KIF22: variants seen among roughly 807,000 people sequenced by gnomAD.
The protein encoded by KIF22 is kinesin family member 22, also known as kinesin-like protein KIF22.
In KIF22, 62 loss-of-function variants were observed where a neutral mutation model predicts 73.0. That is an observed-to-expected ratio of 0.85 (90% CI 0.69 to 1.05). The LOEUF (loss-of-function observed/expected upper bound fraction) is 1.05. Ranked by LOEUF, KIF22 falls within the 50% of genes least tolerant of loss-of-function variation. The probability of loss-of-function intolerance (pLI) is 0.00; values close to 1 mark genes in which losing one functional copy is unlikely to be tolerated. For synonymous variants in KIF22, 411 were observed against 340.1 expected (o/e 1.21, Z -2.29); for missense variants, 854 against 870.1 (o/e 0.98, Z 0.23).
In KIF22 at chr16:29,799,893, C is replaced by T. The variant is rs1288807516; in HGVS notation, c.1145-20C>T. Reference sequence around the variant, plus strand: ...GACCACCCCCAATCCCTCTCTCCACCCCATCCTCCAATCATCTAGCCTTGG... The same window carrying T: ...GACCACCCCCAATCCCTCTCTCCACTCCATCCTCCAATCATCTAGCCTTGG... On this transcript the variant is annotated intron_variant, in intron 7 of 13. Coordinates refer to ENST00000160827, the MANE Select transcript of KIF22 (RefSeq NM_007317.3). The T allele has an allele frequency of 6.2e-7, 1 of 1,613,558 alleles. No homozygotes were observed. The highest frequency in any genetic ancestry group is 8.5e-7 in the Non-Finnish European group (1 of 1,179,670).
chr16:29,800,031 T>C lies in KIF22; in HGVS notation c.1263T>C (p.Ser421=), dbSNP rs1296961388. 1.2e-6 allele frequency: 2 copies of C among 1,612,436 alleles called. No individual in the cohort carries two copies. The highest frequency in any genetic ancestry group is 2.7e-5 in the African/African-American group (2 of 75,050). The change falls in exon 8 of 14, where the codon TCT becomes TCC. Residue 421 remains serine (S), a synonymous_variant. Transcript: ENST00000160827. ...CTGAGCCCATGGCAGCTCCAGCCTC[T>C]GCCTCCCAGAAACTCAGGTGAGCAG... is the stretch of plus-strand genomic sequence containing the variant. ...GSPEPMAAPA[S]ASQKLSPLQK...
At chr16:29,796,609 C>T (rs897670430) in intron 1 of KIF22, among the ~76,000 whole-genome samples, 6 of 151,716 alleles carry the variant, frequency 4.0e-5, no homozygotes, top group African/African-American at 7.3e-5. Flanking sequence ...TGCAAAATCT[C>T]GGGCATCACC....
chr16:29,804,213 TGTG>T lies in KIF22; in HGVS notation c.1677+152_1677+154del, dbSNP rs368568450. On this transcript the variant is annotated intron_variant, in intron 11 of 13. Transcript: ENST00000160827. Reference sequence around the variant, plus strand: ...GACCTCAACTTGCTTACCCCTGGAATGTGGTGATGGATGGTTCCTTGCAGGGCA... The same window carrying T: ...GACCTCAACTTGCTTACCCCTGGAATGTGATGGATGGTTCCTTGCAGGGCA... The T allele has an allele frequency of 9.6e-4, 661 of 691,874 alleles. 13 individuals are homozygous for T. In the South Asian group the frequency reaches 0.01, roughly 11 times the overall value. 42.9% of individuals were successfully genotyped at this position (691,874 alleles called of 1,614,324 possible).
At chr16:29,804,773 T>A (rs577874205) in intron 11 of KIF22, 41 bp from the exon 12 acceptor site, 3 of 1,516,090 alleles carry the variant, frequency 2.0e-6, no homozygotes, top group Non-Finnish European at 2.7e-6. Context: ...CCCAAAGCAC[T>A]TGGCTGCCCT....
rs140916935 is a variant in KIF22, at chr16:29,791,820, C to T, written c.70+991C>T. 5.0e-3 allele frequency among the ~76,000 whole-genome samples: 763 copies of T among 152,228 alleles called. 5 individuals are homozygous for T. Among genetic ancestry groups the T allele is most frequent in the Non-Finnish European group, 8.8e-3 (599 of 68,008 alleles). ...AACCTCTGCTCTTAACCATTATGCC[C>T]AAGTACATGTTATCCCTGCTGGCTG... On this transcript the variant is annotated intron_variant, in intron 1 of 13. Coordinates refer to ENST00000160827, the MANE Select transcript of KIF22 (RefSeq NM_007317.3).
Position 29,795,388 on chromosome 16 carries a change from G to A in KIF22, c.71-1505G>A, listed in dbSNP as rs140706776. Among the ~76,000 whole-genome samples, 70 of 152,302 alleles carry A rather than the reference G, an allele frequency of 4.6e-4. No homozygotes were observed. The East Asian group carries it at 0.013, about 29-fold the overall frequency. ...CTTAGGTGTAAGATTCTTTGTAGGG[G>A]TCATCTGTCTGCCTTTTCGTCTTGC... On this transcript the variant is annotated intron_variant, in intron 1 of 13. Coordinates refer to ENST00000160827, the MANE Select transcript of KIF22 (RefSeq NM_007317.3).
At chr16:29,791,639 T>C (rs990233312) in intron 1 of KIF22, among the ~76,000 whole-genome samples, 1 of 152,210 alleles carries the variant, frequency 6.6e-6, no homozygotes, top group Admixed American at 6.5e-5. Flanking sequence ...TTGTAGGCAT[T>C]TTATGGTGGT....
intron 11 of KIF22, 187 bp from the exon 12 acceptor site, chr16:29,804,627 C>G (rs1567362926): frequency 1.4e-6 from 1 of 700,198 alleles, no homozygotes; most frequent in Non-Finnish European, 2.6e-6. Context: ...AGTAGTACCT[C>G]TCTTTCACTA....
At chr16:29,795,538 A>G (rs1898928339) in intron 1 of KIF22, among the ~76,000 whole-genome samples, 1 of 152,184 alleles carries the variant, frequency 6.6e-6, no homozygotes, top group South Asian at 2.1e-4. Context: ...CCCAGTTGGT[A>G]CATAATAAGG....
At chr16:29,793,322 C>T (rs1365833081) in intron 1 of KIF22, among the ~76,000 whole-genome samples, 8 of 152,148 alleles carry the variant, frequency 5.3e-5, no homozygotes, top group Non-Finnish European at 1.2e-4. Context: ...CACCTGTAGT[C>T]CCAGCTATTC....
In KIF22 at chr16:29,795,017, A is replaced by G. The variant is rs181322999; in HGVS notation, c.71-1876A>G. ...ACCAGAGTCTACACTCTACCTCATT[A>G]CTGACTTCCCCTTCCCCTTAGATTG... On this transcript the variant is annotated intron_variant, in intron 1 of 13. Transcript: ENST00000160827. Among the ~76,000 whole-genome samples the G allele has an allele frequency of 2.9e-3, 446 of 152,258 alleles. 2 individuals carry two copies. Among genetic ancestry groups the G allele is most frequent in the African/African-American group, 0.01 (427 of 41,542 alleles).
chr16:29,798,320 ACAC>A lies in KIF22; in HGVS notation c.267-53_267-51del. The A allele has an allele frequency of 8.7e-7, 1 of 1,152,306 alleles. No individual in the cohort carries two copies. Among genetic ancestry groups the A allele is most frequent in the Non-Finnish European group, 1.2e-6 (1 of 846,574 alleles). 71.4% of individuals were successfully genotyped at this position (1,152,306 alleles called of 1,614,324 possible). ...CCACCCCACTCCACCCCTTACACAC[ACAC>A]ACACACACACACACACACACACACG... On this transcript the variant is annotated intron_variant, in intron 2 of 13. Coordinates refer to ENST00000160827, the MANE Select transcript of KIF22 (RefSeq NM_007317.3). This position sits in a 1 kb window ranked among gnomAD's most constrained non-coding sequence, Gnocchi z 4.1.
chr16:29,799,729 G>A lies in KIF22; in HGVS notation c.1092G>A (p.Arg364=). Residue 364 remains arginine, a synonymous_variant, in exon 7 of 14, where the codon AGG becomes AGA. Coordinates refer to ENST00000160827, the MANE Select transcript of KIF22 (RefSeq NM_007317.3). ...TCTCCGCACTCAACTTTGCTGCCAG[G>A]TCCAAGGAGGTGATCAATCGGCCTT... is the stretch of plus-strand genomic sequence containing the variant. ...DTVSALNFAA[R]SKEVINRPFT... is the part of the protein sequence containing the mutation. The A allele has an allele frequency of 1.2e-6, 2 of 1,613,302 alleles. No homozygotes were observed. The highest frequency in any genetic ancestry group is 1.7e-6 in the Non-Finnish European group (2 of 1,179,626).
chr16:29,797,043 T>C lies in KIF22; in HGVS notation c.221T>C (p.Leu74Pro). 6.2e-7 allele frequency: 1 copy of C among 1,607,688 alleles called. No individual in the cohort carries two copies. The highest frequency in any genetic ancestry group is 8.5e-7 in the Non-Finnish European group (1 of 1,175,762). The change falls in exon 2 of 14, where the codon CTA (leucine) becomes CCA (proline). Residue 74 changes from leucine to proline, a missense_variant. By Grantham distance (98) the Leu-to-Pro change is moderately conservative. Coordinates refer to ENST00000160827, the MANE Select transcript of KIF22 (RefSeq NM_007317.3). This position sits in a 1 kb window ranked among gnomAD's most constrained non-coding sequence, Gnocchi z 4.1. ...GTGCGGGGCATGGACAGCTGCTCTC[T>C]AGAGATTGCTAACTGGAGGAACCAC... ...PCVRGMDSCS[L>P]EIANWRNHQE...
chr16:29,804,897 T>G lies in KIF22; in HGVS notation c.1761T>G (p.His587Gln). 6.2e-7 allele frequency: 1 copy of G among 1,613,944 alleles called. No homozygotes were observed. Among genetic ancestry groups the G allele is most frequent in the Non-Finnish European group, 8.5e-7 (1 of 1,179,984 alleles). ...AGATCAGCCCGGAGCTACTGGCTCATGGGCGCCAAAAAATACTGGATCTGC... is the reference window on the plus strand; with the variant it reads ...AGATCAGCCCGGAGCTACTGGCTCAGGGGCGCCAAAAAATACTGGATCTGC... ...ELQISPELLA[H>Q]GRQKILDLLN... Residue 587 changes from histidine to glutamine, a missense_variant, in exon 12 of 14, where the codon CAT becomes CAG. Coordinates refer to ENST00000160827, the MANE Select transcript of KIF22 (RefSeq NM_007317.3).
Position 29,799,776 on chromosome 16 carries a change from C to A in KIF22, c.1139C>A (p.Pro380His). The change falls in exon 7 of 14, where the codon CCT becomes CAT. Residue 380 changes from proline (P) to histidine (H), a missense_variant. Pro to His is a moderately conservative substitution (Grantham distance 77). Coordinates refer to ENST00000160827, the MANE Select transcript of KIF22 (RefSeq NM_007317.3). ...CCTTTTACCAATGAGAGCCTGCAGC[C>A]TCATGGTGAGAACTGGGGGAGGCAG... The part of the protein sequence containing the change: ...NRPFTNESLQ[P>H]HALGPVKLSQ... 2 of 1,613,770 alleles carry A rather than the reference C, an allele frequency of 1.2e-6. No individual in the cohort carries two copies. The highest frequency in any genetic ancestry group is 1.7e-6 in the Non-Finnish European group (2 of 1,179,822).
chr16:29,804,283 G>T (rs1899259550), intron 11 of KIF22: 1 of 612,986 alleles, frequency 1.6e-6, no homozygotes. Context: ...CTCGCAGAGC[G>T]GATGTTCCAC....
chr16:29,792,179 T>C (rs1217699111), intron 1 of KIF22, among the ~76,000 whole-genome samples: 1 of 81,998 alleles, frequency 1.2e-5, no homozygotes, highest in Non-Finnish European at 2.9e-5. Flanking sequence ...AGATGCTCTC[T>C]TAGCTCAATT....
chr16:29,803,299 T>A (rs1899205577), intron 9 of KIF22, 150 bp from the exon 10 acceptor site: 1 of 857,166 alleles, frequency 1.2e-6, no homozygotes, highest in Non-Finnish European at 1.8e-6. Context: ...TTAATTATGT[T>A]AGGCTCCACC....
Sources: allele counts gnomAD v4.1 joint callset (sites outside exome capture counted in the v4.1 genomes callset), GRCh38; gene constraint gnomAD v4.1.1; non-coding constraint Gnocchi (gnomAD v3.1); transcripts MANE v1.5; gene names NCBI Gene and HGNC (gene_info 2026-07-23, HGNC 2026-07-21).